Variants in DLG2 observed in about 807,000 individuals in gnomAD.
The protein encoded by DLG2 is discs large MAGUK scaffold protein 2, also known as disks large homolog 2.
In DLG2, 45 loss-of-function variants were observed where a neutral mutation model predicts 132.5. The observed-to-expected ratio is 0.34, with a 90% CI of 0.27 to 0.44. DLG2 has a LOEUF of 0.44. Among genes scored for constraint, DLG2 ranks in the 20% least tolerant of loss-of-function variants. The probability of loss-of-function intolerance (pLI) is 1.00; values close to 1 mark genes in which losing one functional copy is unlikely to be tolerated. For missense variants in DLG2, 1,045 were observed against 1,196.9 expected (o/e 0.87, Z 1.87); for synonymous variants, 424 against 419.6 (o/e 1.01, Z -0.13).
At chr11:85,579,915 T>C (rs1235577703) in intron 3 of DLG2, among the ~76,000 whole-genome samples, 1 of 152,156 alleles carries the variant, frequency 6.6e-6, no homozygotes, top group Non-Finnish European at 1.5e-5. Context: ...AAGCCTGATA[T>C]GGTTTGGCTG....
intron 19 of DLG2, 83 bp downstream of exon 19, chr11:83,633,128 T>C (rs2063860019): frequency 8.0e-7 from 1 of 1,244,024 alleles, no homozygotes; most frequent in Non-Finnish European, 1.2e-6. Flanking sequence ...GGGACACATG[T>C]TCTGTTGCTA....
intron 17 of DLG2, among the ~76,000 whole-genome samples, chr11:83,825,132 TACAC>T (rs1215213187): frequency 7.8e-6 from 1 of 127,610 alleles, no homozygotes; most frequent in South Asian, 2.3e-4. Context: ...CATATATATA[TACAC>T]ACACACACAC....
intron 3 of DLG2, among the ~76,000 whole-genome samples, chr11:85,304,675 C>T (rs908686076): frequency 6.6e-6 from 1 of 152,132 alleles, no homozygotes; most frequent in Non-Finnish European, 1.5e-5. Flanking sequence ...AAATCCAAAA[C>T]ACTTCTGGTT....
chr11:85,235,846 G>A (rs1232660475), intron 4 of DLG2, among the ~76,000 whole-genome samples: 1 of 151,860 alleles, frequency 6.6e-6, no homozygotes, highest in Admixed American at 6.6e-5. Context: ...TATTGTCAGT[G>A]AGAAGCCAGT....
At chr11:84,322,848 C>T (rs1029412316) in intron 7 of DLG2, among the ~76,000 whole-genome samples, 2 of 152,078 alleles carry the variant, frequency 1.3e-5, no homozygotes, top group Non-Finnish European at 2.9e-5. Context: ...TCTTGGCCTC[C>T]CAAAGTGCTG....
intron 15 of DLG2, among the ~76,000 whole-genome samples, chr11:83,906,899 G>A (rs1380400085): frequency 6.6e-6 from 1 of 151,976 alleles, no homozygotes; most frequent in East Asian, 1.9e-4. Flanking sequence ...CAAGTTTATC[G>A]GTAACATAAA....
intron 7 of DLG2, among the ~76,000 whole-genome samples, chr11:84,285,247 T>G (rs1599065777): frequency 6.6e-6 from 1 of 152,072 alleles, no homozygotes; most frequent in Non-Finnish European, 1.5e-5. Flanking sequence ...CTCTTTCAAC[T>G]TCCTCATCCA....
At chr11:84,346,096 T>G (rs1355379200) in intron 7 of DLG2, among the ~76,000 whole-genome samples, 3 of 152,234 alleles carry the variant, frequency 2.0e-5, no homozygotes, top group African/African-American at 7.2e-5. Context: ...GTTTACATAT[T>G]ATTTCATAGC....
intron 6 of DLG2, among the ~76,000 whole-genome samples, chr11:85,060,563 C>T (rs1457998826): frequency 3.3e-5 from 5 of 150,386 alleles, no homozygotes; most frequent in African/African-American, 7.3e-5. Context: ...ATAACATTTT[C>T]TTTATCCCAA....
intron 3 of DLG2, among the ~76,000 whole-genome samples, chr11:85,406,789 G>A (rs1426072893): frequency 6.6e-6 from 1 of 151,804 alleles, no homozygotes; most frequent in Non-Finnish European, 1.5e-5. Flanking sequence ...TTAGATTCTG[G>A]TCCAATAAAC....
chr11:84,976,696 T>C (rs1162345778), intron 6 of DLG2, among the ~76,000 whole-genome samples: 1 of 152,170 alleles, frequency 6.6e-6, no homozygotes, highest in Admixed American at 6.6e-5. Flanking sequence ...TGTTGCCAGC[T>C]GACAAATTTA....
chr11:84,264,539 A>C (rs1598631614), intron 7 of DLG2, among the ~76,000 whole-genome samples: 1 of 152,118 alleles, frequency 6.6e-6, no homozygotes, highest in African/African-American at 2.4e-5. Flanking sequence ...AAAGAGAAGG[A>C]GCACAGGGAG....
intron 5 of DLG2, among the ~76,000 whole-genome samples, chr11:85,114,737 G>A (rs893884996): frequency 6.6e-6 from 1 of 151,924 alleles, no homozygotes; most frequent in Non-Finnish European, 1.5e-5. Flanking sequence ...GAGATTGATT[G>A]TATAAATATG....
At chr11:84,690,306 G>A (rs1420273191) in intron 6 of DLG2, among the ~76,000 whole-genome samples, 1 of 151,834 alleles carries the variant, frequency 6.6e-6, no homozygotes, top group African/African-American at 2.4e-5. Flanking sequence ...ATAAGCTGGT[G>A]AGATGATGGA....
chr11:85,551,773 T>C (rs190301979), intron 3 of DLG2, among the ~76,000 whole-genome samples: 39 of 152,184 alleles, frequency 2.6e-4, no homozygotes, highest in African/African-American at 7.9e-4. Flanking sequence ...TGTGCCACAA[T>C]GAGTAGCTGA....
At chr11:84,907,665 G>C (rs2091665856) in intron 6 of DLG2, among the ~76,000 whole-genome samples, 1 of 152,140 alleles carries the variant, frequency 6.6e-6, no homozygotes, top group Non-Finnish European at 1.5e-5. Context: ...AATTTTGAAA[G>C]TCAAATAAGG....
intron 11 of DLG2, among the ~76,000 whole-genome samples, chr11:83,983,668 T>C (rs867332425): frequency 6.6e-6 from 1 of 152,066 alleles, no homozygotes; most frequent in Non-Finnish European, 1.5e-5. Context: ...GCAAGTGTTA[T>C]CTAATTTCCT....
intron 4 of DLG2, among the ~76,000 whole-genome samples, chr11:85,163,948 T>C (rs903225009): frequency 2.6e-5 from 4 of 152,128 alleles, no homozygotes; most frequent in African/African-American, 9.7e-5. Flanking sequence ...CACAAAAATA[T>C]GAAACTCAAA....
chr11:84,033,772 C>T (rs995232896), intron 11 of DLG2, among the ~76,000 whole-genome samples: 5 of 152,140 alleles, frequency 3.3e-5, no homozygotes, highest in Admixed American at 1.3e-4. Flanking sequence ...GGCGCGGTGG[C>T]TCATGCCTGT....
Sources: allele counts gnomAD v4.1 joint callset (sites outside exome capture counted in the v4.1 genomes callset), GRCh38; gene constraint gnomAD v4.1.1; transcripts MANE v1.5; gene names NCBI Gene and HGNC (gene_info 2026-07-23, HGNC 2026-07-21).